PTPRE: variants seen among roughly 807,000 people sequenced by gnomAD.
PTPRE encodes the protein receptor-type tyrosine-protein phosphatase epsilon.
A neutral mutation model predicts 102.0 loss-of-function variants in PTPRE; 51 were observed. That is an observed-to-expected ratio of 0.50 (90% CI 0.40 to 0.63). The LOEUF is 0.63. Among genes scored for constraint, PTPRE ranks in the 30% least tolerant of loss-of-function variants. The pLI is 0.00. For missense variants in PTPRE, 752 were observed against 915.1 expected, an observed-to-expected ratio of 0.82 and a Z score of 2.30; for synonymous variants, 345 against 348.2, an observed-to-expected ratio of 0.99 and a Z score of 0.10.
intron 20 of PTPRE, among the ~76,000 whole-genome samples, chr10:128,081,531 C>T (rs181888111): frequency 6.6e-6 from 1 of 152,210 alleles, no homozygotes; most frequent in Non-Finnish European, 1.5e-5. Flanking sequence ...AATTAGTGAT[C>T]GTCTCCATTT....
At chr10:128,037,199 A>G (rs1847291430) in intron 2 of PTPRE, among the ~76,000 whole-genome samples, 1 of 152,132 alleles carries the variant, frequency 6.6e-6, no homozygotes, top group South Asian at 2.1e-4. Flanking sequence ...GACCTACCCA[A>G]TTCCTCTTCA....
Position 128,036,855 on chromosome 10 carries a change from T to C in PTPRE, c.-7-4020T>C, listed in dbSNP as rs76131169. The stretch of plus-strand genomic sequence containing the variant: ...TTCATAAAAGGTGGGAGGTCTGGGA[T>C]GGTCCTGAGACTCTGCATTCCTCAC... On this transcript the variant is annotated intron_variant, in intron 2 of 20. Transcript: ENST00000254667. 0.013 allele frequency among the ~76,000 whole-genome samples: 1,927 copies of C among 152,224 alleles called. 175 individuals carry two copies. The East Asian group carries it at 0.24, about 19-fold the overall frequency.
At chr10:128,042,728 G>A (rs946418100) in intron 3 of PTPRE, among the ~76,000 whole-genome samples, 15 of 152,160 alleles carry the variant, frequency 9.9e-5, no homozygotes, top group African/African-American at 1.4e-4. Flanking sequence ...ATAGGAAGCT[G>A]TTTCATTTGT....
chr10:127,991,270 A>G (rs1852626578), intron 2 of PTPRE, among the ~76,000 whole-genome samples: 1 of 152,272 alleles, frequency 6.6e-6, no homozygotes, highest in Non-Finnish European at 1.5e-5. Flanking sequence ...ATCTGAAGCC[A>G]ACACCGACAT....
chr10:127,980,663 A>G (rs1851538507), intron 1 of PTPRE, among the ~76,000 whole-genome samples: 1 of 152,188 alleles, frequency 6.6e-6, no homozygotes, highest in African/African-American at 2.4e-5. Context: ...AAAATTCCTT[A>G]GTTACCAGAA....
chr10:127,959,935 C>T (rs1450409515), intron 1 of PTPRE, among the ~76,000 whole-genome samples: 1 of 152,202 alleles, frequency 6.6e-6, no homozygotes. Flanking sequence ...GGGAGATTTA[C>T]TGATACTCTC....
intron 1 of PTPRE, chr10:127,934,732 C>G (rs1564808467): frequency 1.3e-5 from 2 of 152,400 alleles, no homozygotes; most frequent in African/African-American, 2.4e-5. Context: ...CTTCCCCGCT[C>G]TGTGCCTGGG....
intron 17 of PTPRE, among the ~76,000 whole-genome samples, chr10:128,075,013 G>A (rs12254566): frequency 0.25 from 38,089 of 152,052 alleles, 5,062 homozygotes; most frequent in East Asian, 0.4. Flanking sequence ...TTATGCCTAC[G>A]TAGACTGTTG....
intron 1 of PTPRE, among the ~76,000 whole-genome samples, chr10:127,981,499 T>TAA (rs148346973): frequency 2.0e-5 from 3 of 151,814 alleles, no homozygotes; most frequent in African/African-American, 7.3e-5. Flanking sequence ...TGTTTTTTTT[T>TAA]AAAAAATAAA....
chr10:128,042,999 A>G (rs1463723385), intron 3 of PTPRE, among the ~76,000 whole-genome samples: 1 of 152,148 alleles, frequency 6.6e-6, no homozygotes, highest in African/African-American at 2.4e-5. Context: ...TACCTATCAG[A>G]TGGACCAAAA....
In PTPRE at chr10:127,913,971, C is replaced by T. The variant is rs114167790; in HGVS notation, c.-31+6662C>T. On this transcript the variant is annotated intron_variant, in intron 1 of 20. Transcript: ENST00000254667. ...TTGGCTGTGTGTCCCCTCCAAATCT[C>T]ATGTTGAAATGTGGTCCCCAGCGTT... Among the ~76,000 whole-genome samples, 367 of 152,236 alleles carry T rather than the reference C, an allele frequency of 2.4e-3. 1 individual carries two copies. The highest frequency in any genetic ancestry group is 8.3e-3 in the African/African-American group (345 of 41,544).
chr10:127,969,094 G>A (rs1055932955), intron 1 of PTPRE, among the ~76,000 whole-genome samples: 1 of 152,342 alleles, frequency 6.6e-6, no homozygotes, highest in East Asian at 1.9e-4. Flanking sequence ...TCCATAGCAT[G>A]TATCAATCCT....
chr10:128,009,416 G>A (rs924074055), intron 2 of PTPRE, among the ~76,000 whole-genome samples: 5 of 152,326 alleles, frequency 3.3e-5, no homozygotes, highest in East Asian at 3.9e-4. Context: ...TGAACAACTC[G>A]GGGAGAGCTG....
intron 2 of PTPRE, among the ~76,000 whole-genome samples, chr10:128,017,179 C>T (rs1369031132): frequency 6.6e-6 from 1 of 152,162 alleles, no homozygotes; most frequent in Non-Finnish European, 1.5e-5. Flanking sequence ...GGCCTGGGAA[C>T]AGCACCCAGG....
chr10:127,937,363 A>G lies in PTPRE; in HGVS notation c.-31+30054A>G, dbSNP rs146294376. Reference sequence around the variant, plus strand: ...AAAATCAGGTGATTTGCAACTCCACACTTGCCCAAATTAAACCATGAGTGG... The same window carrying G: ...AAAATCAGGTGATTTGCAACTCCACGCTTGCCCAAATTAAACCATGAGTGG... On this transcript the variant is annotated intron_variant, in intron 1 of 20. Transcript: ENST00000254667. Among the ~76,000 whole-genome samples, 5 of 152,290 alleles carry G rather than the reference A, an allele frequency of 3.3e-5. No homozygotes were observed. The East Asian group carries it at 9.6e-4, about 29-fold the overall frequency.
intron 2 of PTPRE, among the ~76,000 whole-genome samples, chr10:128,029,865 G>T (rs942639407): frequency 6.6e-6 from 1 of 152,198 alleles, no homozygotes; most frequent in Non-Finnish European, 1.5e-5. Context: ...CAGCTCCTGG[G>T]CATCAATGCC....
intron 1 of PTPRE, chr10:127,964,678 T>G (rs1409320757): frequency 5.6e-6 from 1 of 178,356 alleles, no homozygotes; most frequent in African/African-American, 2.4e-5. Flanking sequence ...CAAAGGGCAC[T>G]CGCATTACCT....
At chr10:128,042,188 C>T (rs1218933259) in intron 3 of PTPRE, among the ~76,000 whole-genome samples, 1 of 152,186 alleles carries the variant, frequency 6.6e-6, no homozygotes, top group African/African-American at 2.4e-5. Flanking sequence ...CGCTAATCGA[C>T]TGGCCACGTA....
At chr10:128,017,437 A>AT (rs889899799) in intron 2 of PTPRE, among the ~76,000 whole-genome samples, 1 of 151,758 alleles carries the variant, frequency 6.6e-6, no homozygotes, top group African/African-American at 2.4e-5. Context: ...CAGGGTGAGA[A>AT]TTTTTTTTCT....
Sources: gnomAD v4.1 joint callset for allele counts (sites outside exome capture counted in the v4.1 genomes callset) on GRCh38, gnomAD v4.1.1 for gene constraint, MANE v1.5 for transcripts, NCBI Gene and HGNC (gene_info 2026-07-23, HGNC 2026-07-21) for gene names.